Variants in KIF13A observed in about 807,000 individuals in gnomAD.
KIF13A encodes kinesin-like protein KIF13A.
A neutral mutation model predicts 212.2 loss-of-function variants in KIF13A; 79 were observed. The ratio of observed to expected loss-of-function variants is 0.37; its 90% CI spans 0.31 to 0.45. The LOEUF (loss-of-function observed/expected upper bound fraction) is 0.45, where lower values mean the gene tolerates loss of function less well. Ranked by LOEUF, KIF13A falls within the 20% of genes least tolerant of loss-of-function variation. KIF13A has a pLI of 1.00. For missense variants in KIF13A, 1,901 were observed against 2,209.0 expected (o/e 0.86, Z 2.79); for synonymous variants, 789 against 808.6 (o/e 0.98, Z 0.41).
chr6:17,761,003 G>A, downstream of KIF13A: 2 of 885,866 alleles, frequency 2.3e-6, no homozygotes, highest in East Asian at 5.4e-5. Flanking sequence ...GGACCCACAG[G>A]ATTGGTTTTA....
chr6:17,947,606 A>C lies in KIF13A; in HGVS notation c.146+39448T>G, dbSNP rs1777514349. Among the ~76,000 whole-genome samples, 1 of 152,172 alleles carries C rather than the reference A, an allele frequency of 6.6e-6. No homozygotes were observed. The highest frequency in any genetic ancestry group is 6.5e-5 in the Admixed American group (1 of 15,278). On this transcript the variant is annotated intron_variant, in intron 2 of 38. Transcript: ENST00000259711. This position sits in a 1 kb window ranked among gnomAD's most constrained non-coding sequence, Gnocchi z 4.6. ...CACTTTGGGAGGCCGAGGTGGGTGG[A>C]TCACCTGAGGTCAGGAGTTTGAGAC... is the stretch of plus-strand genomic sequence containing the variant.
intron 2 of KIF13A, among the ~76,000 whole-genome samples, chr6:17,974,055 G>T (rs994588271): frequency 3.3e-5 from 5 of 152,146 alleles, no homozygotes; most frequent in African/African-American, 1.2e-4. Context: ...CATCTGTTTA[G>T]AGAGTCCTTA....
rs2150364973 is a variant in KIF13A at position 17,825,359 on chromosome 6, A to T, written c.1786+409T>A. 6.6e-6 allele frequency among the ~76,000 whole-genome samples: 1 copy of T among 152,316 alleles called. No homozygotes were observed. Among genetic ancestry groups the T allele is most frequent in the East Asian group, 1.9e-4 (1 of 5,184 alleles). On this transcript the variant is annotated intron_variant, in intron 16 of 38. Transcript: ENST00000259711. This position sits in a 1 kb window ranked among gnomAD's most constrained non-coding sequence, Gnocchi z 4.5. ...ATTGAGTTTATACTAAAATGCTGTGACTTTTATCTTTCCATAGATTATATT... is the reference window on the plus strand; with the variant it reads ...ATTGAGTTTATACTAAAATGCTGTGTCTTTTATCTTTCCATAGATTATATT...
intron 2 of KIF13A, among the ~76,000 whole-genome samples, chr6:17,927,435 T>C (rs1775581492): frequency 6.6e-6 from 1 of 152,156 alleles, no homozygotes; most frequent in African/African-American, 2.4e-5. Flanking sequence ...TGATTCTACT[T>C]ACATGAGGTA....
rs769764450 is a variant in KIF13A, at chr6:17,780,688, T to C, written c.3846+42A>G. 7 of 1,581,194 alleles carry C rather than the reference T, an allele frequency of 4.4e-6. No homozygotes were observed. The Admixed American group carries it at 1.2e-4, about 27-fold the overall frequency. On this transcript the variant is annotated intron_variant, in intron 31 of 38. Coordinates refer to ENST00000259711, the MANE Select transcript of KIF13A (RefSeq NM_022113.6). ...GTGATAGAGAGAGGGAAAAATCTTT[T>C]GAGCTCAGAGCCAGAATGGCACAAT...
chr6:17,781,865 C>T (rs1760618916), intron 29 of KIF13A, among the ~76,000 whole-genome samples: 1 of 152,088 alleles, frequency 6.6e-6, no homozygotes, highest in Admixed American at 6.6e-5. Flanking sequence ...TGAACTCAAG[C>T]AGTCCTCCTG....
At chr6:17,950,764 C>T (rs1777778533) in intron 2 of KIF13A, 6 of 980,778 alleles carry the variant, frequency 6.1e-6, no homozygotes, top group Non-Finnish European at 7.3e-6. Flanking sequence ...AACCCTTATC[C>T]ACCCAACTAG....
In KIF13A at chr6:17,926,903, C is replaced by T. The variant is rs1048508199; in HGVS notation, c.147-28723G>A. ...CTGTAATCTCGGCACTTTGGGAGGT[C>T]GAGGCAGGCAGATCACTTCAGATCA... On this transcript the variant is annotated intron_variant, in intron 2 of 38. Transcript: ENST00000259711. The surrounding 1 kb of genome is among the most constrained non-coding windows in gnomAD (Gnocchi z 4.3). Among the ~76,000 whole-genome samples, 2 of 151,974 alleles carry T rather than the reference C, an allele frequency of 1.3e-5. No homozygotes were observed. Among genetic ancestry groups the T allele is most frequent in the African/African-American group, 4.8e-5 (2 of 41,392 alleles).
rs1402485519 is a variant in KIF13A, at chr6:17,783,503, C to T, written c.3544+143G>A. ...ATTATCCACATATCATGCTTATATA[C>T]GTTTAATGAGAACAAAAATGTCACC... On this transcript the variant is annotated intron_variant, in intron 29 of 38. Transcript: ENST00000259711. The surrounding 1 kb of genome is among the most constrained non-coding windows in gnomAD (Gnocchi z 4.3). 5 of 664,038 alleles carry T rather than the reference C, an allele frequency of 7.5e-6. No homozygotes were observed. Among genetic ancestry groups the T allele is most frequent in the Admixed American group, 4.9e-5 (2 of 40,850 alleles). The allele number at this position is 664,038 out of a possible 1,614,324, so 41.1% of individuals were successfully genotyped here. A position where few individuals can be genotyped will look rare whatever the true frequency, so the allele number is the denominator to read the frequency against.
At chr6:17,933,140 T>C (rs1206475928) in intron 2 of KIF13A, among the ~76,000 whole-genome samples, 1 of 152,150 alleles carries the variant, frequency 6.6e-6, no homozygotes, top group Non-Finnish European at 1.5e-5. Flanking sequence ...ATGAAAAGAA[T>C]GGCTGGAGAA....
rs1762180623 is a variant in KIF13A, at chr6:17,797,898, T to C, written c.2791-1078A>G. Among the ~76,000 whole-genome samples the C allele has an allele frequency of 3.9e-5, 6 of 152,086 alleles. 1 individual carries two copies. The highest frequency in any genetic ancestry group is 3.9e-4 in the Admixed American group (6 of 15,256). ...GGGCAACAGAGTGAGACATCGTCTTTAAAAATAAAAACAAACCCAAACAGA... is the reference window on the plus strand; with the variant it reads ...GGGCAACAGAGTGAGACATCGTCTTCAAAAATAAAAACAAACCCAAACAGA... On this transcript the variant is annotated intron_variant, in intron 22 of 38. Transcript: ENST00000259711.
chr6:17,984,193 G>A lies in KIF13A; in HGVS notation c.146+2861C>T, dbSNP rs192581165. On this transcript the variant is annotated intron_variant, in intron 2 of 38. Transcript: ENST00000259711. This position sits in a 1 kb window ranked among gnomAD's most constrained non-coding sequence, Gnocchi z 5.0. ...TGAAATGGCAAAAGTATACACCAGC[G>A]TAATTTACCACGTTGTATTTTAACT... 2.6e-5 allele frequency among the ~76,000 whole-genome samples: 4 copies of A among 152,302 alleles called. No individual in the cohort carries two copies. The highest frequency in any genetic ancestry group is 1.9e-4 in the East Asian group (1 of 5,182).
intron 2 of KIF13A, among the ~76,000 whole-genome samples, chr6:17,939,913 G>A (rs1776800709): frequency 1.3e-5 from 2 of 152,042 alleles, no homozygotes; most frequent in South Asian, 2.1e-4. Flanking sequence ...GGTGGCGGGC[G>A]CCTATAGTGC....
Position 17,850,370 on chromosome 6 carries a change from C to G in KIF13A, c.670G>C (p.Val224Leu), listed in dbSNP as rs1767522021. 6.2e-7 allele frequency: 1 copy of G among 1,613,796 alleles called. No individual in the cohort carries two copies. The highest frequency in any genetic ancestry group is 8.5e-7 in the Non-Finnish European group (1 of 1,179,866). The change falls in exon 8 of 39, where the codon GTG becomes CTG. Residue 224 changes from valine to leucine, a missense_variant. This residue lies in a region of KIF13A where 506 missense variants were observed against 637.4 expected (regional missense o/e 0.79). Coordinates refer to ENST00000259711, the MANE Select transcript of KIF13A (RefSeq NM_022113.6). This position sits in a 1 kb window ranked among gnomAD's most constrained non-coding sequence, Gnocchi z 6.2. ...GTCTGTGTGATTATGATGTTGAACACAGCATGGGAGCGGCTGCTTTCTTCG... is the reference window on the plus strand; with the variant it reads ...GTCTGTGTGATTATGATGTTGAACAGAGCATGGGAGCGGCTGCTTTCTTCG... The part of the protein sequence containing the change: ...MNEESSRSHA[V>L]FNIIITQTLY...
chr6:17,814,251 T>A (rs1360619474), intron 17 of KIF13A, among the ~76,000 whole-genome samples: 2 of 34,378 alleles, frequency 5.8e-5, no homozygotes, highest in African/African-American at 2.5e-4. Context: ...GTGCCCGGCT[T>A]TTTTTTTTTT....
In KIF13A at chr6:17,951,343, C is replaced by T. The variant is rs1777826795; in HGVS notation, c.146+35711G>A. ...ATGGGGTTTTGCCATGTTGCAAAGGCTGGTCTTGAAATCCTCGGCTCAAGT... is the reference window on the plus strand; with the variant it reads ...ATGGGGTTTTGCCATGTTGCAAAGGTTGGTCTTGAAATCCTCGGCTCAAGT... On this transcript the variant is annotated intron_variant, in intron 2 of 38. Transcript: ENST00000259711. This position sits in a 1 kb window ranked among gnomAD's most constrained non-coding sequence, Gnocchi z 4.9. 4 of 639,870 alleles carry T rather than the reference C, an allele frequency of 6.3e-6. No individual in the cohort carries two copies. In the South Asian group the frequency reaches 6.9e-5, roughly 11 times the overall value. The allele number at this position is 639,870 out of a possible 1,614,324, so 39.6% of individuals were successfully genotyped here. A position where few individuals can be genotyped will look rare whatever the true frequency, so the allele number is the denominator to read the frequency against.
In KIF13A at chr6:17,871,955, TAC is replaced by T. The variant is rs1581593691; in HGVS notation, c.220+1420_220+1421del. 6.6e-6 allele frequency among the ~76,000 whole-genome samples: 1 copy of T among 152,188 alleles called. No individual in the cohort carries two copies. The highest frequency in any genetic ancestry group is 1.9e-4 in the East Asian group (1 of 5,200). ...TAAAAGTACACACCCGGCACAAAAA[TAC>T]AGAGTGCTAACAAGTCAAGACTGTT... On this transcript the variant is annotated intron_variant, in intron 4 of 38. Coordinates refer to ENST00000259711, the MANE Select transcript of KIF13A (RefSeq NM_022113.6). This position sits in a 1 kb window ranked among gnomAD's most constrained non-coding sequence, Gnocchi z 4.4.
chr6:17,802,164 A>G (rs924277446), intron 20 of KIF13A, among the ~76,000 whole-genome samples: 6 of 152,198 alleles, frequency 3.9e-5, no homozygotes, highest in African/African-American at 1.4e-4. Context: ...CCACACAGCA[A>G]TTGGTACTGG....
At chr6:17,882,238 CCT>C (rs1771140250) in intron 3 of KIF13A, 2 of 351,628 alleles carry the variant, frequency 5.7e-6, no homozygotes, top group Admixed American at 6.9e-5. Flanking sequence ...CCACTTGTTA[CCT>C]TTTTCAATTT....
Sources: gnomAD v4.1 joint callset for allele counts (sites outside exome capture counted in the v4.1 genomes callset) on GRCh38, gnomAD v4.1.1 for gene constraint, gnomAD v4.1.1 regional missense constraint, Gnocchi (gnomAD v3.1) non-coding constraint, MANE v1.5 for transcripts, NCBI Gene and HGNC (gene_info 2026-07-23, HGNC 2026-07-21) for gene names.